Variants in MIB2 observed in about 807,000 individuals in gnomAD.
The protein encoded by MIB2 is E3 ubiquitin-protein ligase MIB2.
Under a neutral mutation model 96.6 loss-of-function variants are expected in MIB2, and 78 were observed. That is an observed-to-expected ratio of 0.81 (90% CI 0.67 to 0.97). The LOEUF is 0.97. MIB2 is among the 50% of genes least tolerant of loss of function. The pLI, the probability that MIB2 is intolerant of heterozygous loss-of-function variation, is 0.00. For synonymous variants in MIB2, 820 were observed against 629.5 expected (o/e 1.30, Z -4.53); for missense variants, 1,543 against 1,424.0 (o/e 1.08, Z -1.35).
chr1:1,628,715 T>G lies in MIB2; in HGVS notation c.2195T>G (p.Leu732Arg). The change falls in exon 16 of 20, where the codon CTG becomes CGG. Residue 732 changes from leucine (L) to arginine (R), a missense_variant. By Grantham distance (102) the Leu-to-Arg change is moderately radical. Coordinates refer to ENST00000355826, the MANE Select transcript of MIB2 (RefSeq NM_001170687.4). ...AGGDPGPLQL[L>R]SRLQASGLPG... ...GGGGACCCAGGGCCCTTGCAGCTGC[T>G]GTCCAGGGTGAGGAAGTGTGGCGTG... 4 of 1,542,258 alleles carry G rather than the reference T, an allele frequency of 2.6e-6. No individual in the cohort carries two copies. Among genetic ancestry groups the G allele is most frequent in the Non-Finnish European group, 3.5e-6 (4 of 1,143,264 alleles).
At position 1,624,906 on chromosome 1, in the gene MIB2, G is replaced by A. The variant is rs190376318; in HGVS notation, c.526+5G>A. ...GGGAGTGGGGCTCACAGGATGGTGA[G>A]TGGAGGCAGAGGGGCGGGGTCAGGG... On this transcript the variant is annotated splice_donor_5th_base_variant and intron_variant, in intron 5 of 19. Transcript: ENST00000355826. 1.2e-6 allele frequency: 2 copies of A among 1,612,192 alleles called. No homozygotes were observed. The highest frequency in any genetic ancestry group is 1.7e-6 in the Non-Finnish European group (2 of 1,179,428).
intron 19 of MIB2, 21 bp downstream of exon 19, chr1:1,629,725 C>T (rs776119689): frequency 6.4e-7 from 1 of 1,567,774 alleles, no homozygotes; most frequent in East Asian, 2.3e-5. Flanking sequence ...CTCTGCGCCC[C>T]CAACACGCCT....
intron 2 of MIB2, chr1:1,618,147 C>T (rs1028753443): frequency 3.9e-5 from 6 of 152,682 alleles, no homozygotes; most frequent in Admixed American, 6.5e-5. Context: ...TCTGGGAAAC[C>T]TTGGCCAGGT....
chr1:1,615,906 C>CTGGGGTCGGCGG (rs1643592924), intron 1 of MIB2: 1 of 1,013,092 alleles, frequency 9.9e-7, no homozygotes, highest in Non-Finnish European at 1.2e-6. Context: ...GGGGTCGGCG[C>CTGGGGTCGGCGG]TGGGGTCGTC....
Position 1,630,521 on chromosome 1 carries a change from C to G in MIB2, c.2859C>G (p.Ile953Met). ...AGCCCATCCGCGACCGCATCCAGAT[C>G]TTCGTGTGAGCCGCGCCGTCCGCCG... ...CRQPIRDRIQ[I>M]FV Residue 953 changes from isoleucine to methionine, a missense_variant, in exon 20 of 20, where the codon ATC becomes ATG. Transcript: ENST00000355826. 1 of 1,583,838 alleles carries G rather than the reference C, an allele frequency of 6.3e-7. No homozygotes were observed. Among genetic ancestry groups the G allele is most frequent in the East Asian group, 2.3e-5 (1 of 43,136 alleles).
chr1:1,624,213 G>C, intron 4 of MIB2: 1 of 525,868 alleles, frequency 1.9e-6, no homozygotes, highest in East Asian at 3.1e-5. Flanking sequence ...CCCGGAGCCA[G>C]CACCTGGGCT....
At position 1,629,309 on chromosome 1, in the gene MIB2, C is replaced by T. The variant is rs1443605374; in HGVS notation, c.2379C>T (p.Phe793=). The T allele has an allele frequency of 6.7e-7, 1 of 1,489,836 alleles. No homozygotes were observed. Among genetic ancestry groups the T allele is most frequent in the Non-Finnish European group, 8.8e-7 (1 of 1,134,386 alleles). 92.3% of individuals were successfully genotyped at this position (1,489,836 alleles called of 1,614,324 possible). Residue 793 remains phenylalanine, a splice_region_variant and synonymous_variant, in exon 17 of 20, where the codon TTC becomes TTT. Transcript: ENST00000355826. ...LKALQGCAQR[F]RERQAGGGAA... is the part of the protein sequence containing the mutation. ...CCCTTCAGGGCTGCGCCCAGCGCTTCCGGTGAGTCCGTGGACGGCGGGGAT... is the reference window on the plus strand; with the variant it reads ...CCCTTCAGGGCTGCGCCCAGCGCTTTCGGTGAGTCCGTGGACGGCGGGGAT...
chr1:1,616,260 C>G (rs1191657593), intron 1 of MIB2: 1 of 398,976 alleles, frequency 2.5e-6, no homozygotes, highest in Non-Finnish European at 3.6e-6. Flanking sequence ...CCGTGCGCGT[C>G]CCGGAGCCTC....
In MIB2 at chr1:1,624,806, G is replaced by A. The variant is rs752588977; in HGVS notation, c.431G>A (p.Ser144Asn). 18 of 1,612,842 alleles carry A rather than the reference G, an allele frequency of 1.1e-5. No homozygotes were observed. The highest frequency in any genetic ancestry group is 1.4e-5 in the Non-Finnish European group (16 of 1,179,902). The change falls in exon 5 of 20, where the codon AGT becomes AAT. Residue 144 changes from serine to asparagine, a missense_variant. Physicochemically the swap from Ser to Asn is conservative, Grantham distance 46. Transcript: ENST00000355826. ...ETAHSRPVTL[S>N]PRQGLPRIPL... ...GAACCCTCTTGCAGTGTCACACTGA[G>A]TCCCCGCCAGGGCCTCCCGAGGATC...
At chr1:1,624,223 T>A (rs1644529030) in intron 4 of MIB2, 1 of 510,676 alleles carries the variant, frequency 2.0e-6, no homozygotes, top group Admixed American at 3.4e-5. Context: ...GCACCTGGGC[T>A]GTCTTGGAGG....
chr1:1,617,739 C>G (rs1643884943), intron 2 of MIB2: 1 of 152,192 alleles, frequency 6.6e-6, no homozygotes, highest in Non-Finnish European at 1.5e-5. Context: ...TGCCAAAGCA[C>G]ATCTGTCGAT....
In MIB2 at chr1:1,628,045, C is replaced by G; in HGVS notation, c.1707C>G (p.His569Gln). ...ACGCCCACTCGGACACGCCCCTGCA[C>G]TCCGCCATCTCGGCGGGCACTGGAG... ...LPDAHSDTPL[H>Q]SAISAGTGAS... Residue 569 changes from histidine to glutamine, a missense_variant, in exon 14 of 20, where the codon CAC becomes CAG. His to Gln is a conservative substitution (Grantham distance 24). Transcript: ENST00000355826. The G allele has an allele frequency of 3.7e-6, 6 of 1,613,172 alleles. No individual in the cohort carries two copies. Among genetic ancestry groups the G allele is most frequent in the Non-Finnish European group, 5.1e-6 (6 of 1,179,968 alleles).
chr1:1,616,886 C>G, intron 2 of MIB2: 2 of 395,214 alleles, frequency 5.1e-6, no homozygotes, highest in Non-Finnish European at 9.2e-6. Flanking sequence ...TCCCGGGAGG[C>G]CCCCTTTGTC....
At chr1:1,620,594 C>T (rs1644171748) in intron 2 of MIB2, among the ~76,000 whole-genome samples, 2 of 152,360 alleles carry the variant, frequency 1.3e-5, no homozygotes, top group South Asian at 4.1e-4. Context: ...CAGTGCCCCT[C>T]TCACTTGTCC....
rs1378299896 is a variant in MIB2, at chr1:1,629,398, G to GGCGGGGGC, written c.2400_2407dup (p.Ala803GlyfsTer17). 2.1e-6 allele frequency: 3 copies of GGCGGGGGC among 1,445,768 alleles called. No individual in the cohort carries two copies. Among genetic ancestry groups the GGCGGGGGC allele is most frequent in the Non-Finnish European group, 2.7e-6 (3 of 1,111,794 alleles). 89.6% of individuals were successfully genotyped at this position (1,445,768 alleles called of 1,614,324 possible). A position where few individuals can be genotyped will look rare whatever the true frequency, so the allele number is the denominator to read the frequency against. On this transcript the variant is annotated frameshift_variant, in exon 18 of 20. Transcript: ENST00000355826. LOFTEE classifies it high-confidence loss of function. ...CTCCCCCTGCAGGGAGCGGCAGGCG[G>GGCGGGGGC]GCGGGGGCGCGGCCCCGGGCCCCAG...
At position 1,628,696 on chromosome 1, in the gene MIB2, C is replaced by T. The variant is rs1391154817; in HGVS notation, c.2176C>T (p.Pro726Ser). ...PLVADGAGGDPGPLQLLSRLQ... is the reference protein window; with the variant it reads ...PLVADGAGGDSGPLQLLSRLQ... ...GGTGGCTGATGGGGCCGGGGGGGAC[C>T]CAGGGCCCTTGCAGCTGCTGTCCAG... The change falls in exon 16 of 20, where the codon CCA becomes TCA. Residue 726 changes from proline (P) to serine (S), a missense_variant. Physicochemically the swap from Pro to Ser is moderately conservative, Grantham distance 74. Coordinates refer to ENST00000355826, the MANE Select transcript of MIB2 (RefSeq NM_001170687.4). The T allele has an allele frequency of 2.6e-6, 4 of 1,561,226 alleles. No homozygotes were observed. The highest frequency in any genetic ancestry group is 3.7e-5 in the Admixed American group (2 of 53,574).
intron 4 of MIB2, 49 bp from the exon 5 acceptor site, chr1:1,624,746 A>C: frequency 3.6e-5 from 55 of 1,537,602 alleles, no homozygotes; most frequent in Non-Finnish European, 4.7e-5. Flanking sequence ...CAAGATGGGA[A>C]GAGATGGCGG....
intron 4 of MIB2, 111 bp from the exon 5 acceptor site, chr1:1,624,684 C>A: frequency 9.8e-7 from 1 of 1,021,218 alleles, no homozygotes; most frequent in Non-Finnish European, 1.5e-6. Flanking sequence ...CGGAGCCCAG[C>A]AGGCTGGGTG....
At chr1:1,627,865 C>T (rs566900683) in intron 13 of MIB2, 36 bp downstream of exon 13, 39 of 1,596,062 alleles carry the variant, frequency 2.4e-5, no homozygotes, top group East Asian at 9.0e-5. Context: ...GCCCCCTGCC[C>T]GTGAGTGCTT....
Sources: gnomAD v4.1 joint callset for allele counts (sites outside exome capture counted in the v4.1 genomes callset) on GRCh38, gnomAD v4.1.1 for gene constraint, MANE v1.5 for transcripts, NCBI Gene and HGNC (gene_info 2026-07-23, HGNC 2026-07-21) for gene names.